NRCAM: variants seen among roughly 807,000 people sequenced by gnomAD.
NRCAM encodes neuronal cell adhesion molecule.
In NRCAM, 83 loss-of-function variants were observed where a neutral mutation model predicts 156.5. The observed-to-expected ratio is 0.53, with a 90% CI of 0.44 to 0.64. The LOEUF (loss-of-function observed/expected upper bound fraction) is 0.64, where lower values mean the gene tolerates loss of function less well. Among genes scored for constraint, NRCAM ranks in the 30% least tolerant of loss-of-function variants. The pLI is 0.00. For missense variants in NRCAM, 1,417 were observed against 1,597.3 expected, an observed-to-expected ratio of 0.89 and a Z score of 1.92; for synonymous variants, 538 against 563.9, an observed-to-expected ratio of 0.95 and a Z score of 0.65.
chr7:108,177,721 G>GTA (rs869076633), intron 26 of NRCAM, among the ~76,000 whole-genome samples: 11 of 59,210 alleles, frequency 1.9e-4, no homozygotes, highest in Admixed American at 6.7e-4. Context: ...ATATACGTGT[G>GTA]TATATATATA....
chr7:108,289,972 C>T (rs993056167), intron 3 of NRCAM, among the ~76,000 whole-genome samples: 2 of 151,942 alleles, frequency 1.3e-5, no homozygotes, highest in African/African-American at 4.8e-5. Context: ...TCCTTCTTTT[C>T]AAAAAAGAAG....
intron 1 of NRCAM, among the ~76,000 whole-genome samples, chr7:108,412,609 CTA>C (rs1172966476): frequency 6.6e-6 from 1 of 152,126 alleles, no homozygotes; most frequent in Non-Finnish European, 1.5e-5. Flanking sequence ...ATGTTAATAA[CTA>C]TAGTCATCAT....
intron 2 of NRCAM, among the ~76,000 whole-genome samples, chr7:108,343,159 G>C (rs1044250887): frequency 6.6e-6 from 1 of 152,170 alleles, no homozygotes; most frequent in African/African-American, 2.4e-5. Flanking sequence ...TGGAATACTT[G>C]AAAGTAATCC....
In NRCAM at chr7:108,272,664, C is replaced by CAT. The variant is rs898723701; in HGVS notation, c.-106-32496_-106-32495dup. On this transcript the variant is annotated intron_variant, in intron 3 of 32. Transcript: ENST00000379028. ...TAGAATTTTGATTTTAAAAAGGTAA[C>CAT]ATATATATATCACTTTGATTATATA... Among the ~76,000 whole-genome samples, 205 of 151,602 alleles carry CAT rather than the reference C, an allele frequency of 1.4e-3. 1 individual carries two copies. The highest frequency in any genetic ancestry group is 5.8e-3 in the East Asian group (30 of 5,164).
chr7:108,301,531 C>T (rs2098611756), intron 3 of NRCAM, among the ~76,000 whole-genome samples: 1 of 152,200 alleles, frequency 6.6e-6, no homozygotes, highest in Non-Finnish European at 1.5e-5. Flanking sequence ...ATGACACCAA[C>T]TGCATGACCT....
intron 3 of NRCAM, among the ~76,000 whole-genome samples, chr7:108,294,753 T>C (rs1451319775): frequency 1.3e-5 from 2 of 152,212 alleles, no homozygotes; most frequent in Non-Finnish European, 2.9e-5. Flanking sequence ...CTGTTCTCAG[T>C]GGATCCAGAA....
At chr7:108,221,755 T>C (rs1211402913) in intron 11 of NRCAM, among the ~76,000 whole-genome samples, 11 of 152,082 alleles carry the variant, frequency 7.2e-5, no homozygotes, top group Admixed American at 5.2e-4. Context: ...ACAGCGTATA[T>C]TGTTCGGGTG....
intron 1 of NRCAM, among the ~76,000 whole-genome samples, chr7:108,414,031 C>A (rs992982389): frequency 2.6e-5 from 4 of 152,226 alleles, no homozygotes; most frequent in Non-Finnish European, 5.9e-5. Flanking sequence ...TGAACCACTT[C>A]TACATTCCAA....
chr7:108,165,296 C>G (rs1350555921), intron 30 of NRCAM, among the ~76,000 whole-genome samples: 1 of 152,132 alleles, frequency 6.6e-6, no homozygotes, highest in Admixed American at 6.5e-5. Context: ...AATCCCAGCT[C>G]TGTCACGTTC....
At chr7:108,443,944 G>T (rs1399770088) in intron 1 of NRCAM, among the ~76,000 whole-genome samples, 1 of 148,672 alleles carries the variant, frequency 6.7e-6, no homozygotes, top group Non-Finnish European at 1.5e-5. Flanking sequence ...ACAGGTGTAG[G>T]TATAGATTCA....
intron 2 of NRCAM, among the ~76,000 whole-genome samples, chr7:108,362,938 A>G (rs1268427905): frequency 1.3e-5 from 2 of 152,106 alleles, no homozygotes; most frequent in African/African-American, 4.8e-5. Context: ...TGGAAAAATG[A>G]CTCATTCTAG....
chr7:108,332,991 T>C (rs1394658397), intron 2 of NRCAM, among the ~76,000 whole-genome samples: 1 of 152,134 alleles, frequency 6.6e-6, no homozygotes, highest in Non-Finnish European at 1.5e-5. Flanking sequence ...GTTTTGTAGA[T>C]CAAAAAAGGT....
At chr7:108,232,638 G>A (rs1562866706) in intron 6 of NRCAM, 116 bp from the exon 7 acceptor site, 2 of 670,810 alleles carry the variant, frequency 3.0e-6, no homozygotes, top group East Asian at 6.0e-5. Flanking sequence ...TTAATATTCA[G>A]TAAGAGAGCA....
intron 2 of NRCAM, among the ~76,000 whole-genome samples, chr7:108,323,439 G>T (rs1050036533): frequency 2.6e-5 from 4 of 152,110 alleles, no homozygotes; most frequent in Non-Finnish European, 5.9e-5. Flanking sequence ...AGTACACCCA[G>T]GAAACATGCC....
chr7:108,449,472 G>A (rs1230448786), intron 1 of NRCAM, among the ~76,000 whole-genome samples: 1 of 152,078 alleles, frequency 6.6e-6, no homozygotes, highest in East Asian at 1.9e-4. Flanking sequence ...TTGAGGTAAG[G>A]GACTGAAAAG....
At chr7:108,200,778 ACACAC>A (rs911469477) in intron 13 of NRCAM, among the ~76,000 whole-genome samples, 1 of 141,330 alleles carries the variant, frequency 7.1e-6, no homozygotes, top group Non-Finnish European at 1.5e-5. Flanking sequence ...ACACACACAC[ACACAC>A]ACTATGAAAT....
intron 2 of NRCAM, among the ~76,000 whole-genome samples, chr7:108,318,504 A>T (rs971205789): frequency 8.5e-5 from 13 of 152,336 alleles, no homozygotes; most frequent in Non-Finnish European, 1.9e-4. Flanking sequence ...TTCTCAAAGT[A>T]ATATCAGGAA....
At chr7:108,451,211 T>C (rs1345115708) in intron 1 of NRCAM, among the ~76,000 whole-genome samples, 4 of 141,600 alleles carry the variant, frequency 2.8e-5, no homozygotes, top group African/African-American at 1.1e-4. Flanking sequence ...AGGGCGAGAC[T>C]CCGTCTCCAA....
intron 2 of NRCAM, among the ~76,000 whole-genome samples, chr7:108,348,939 G>C (rs2099390567): frequency 6.6e-6 from 1 of 151,720 alleles, no homozygotes; most frequent in East Asian, 1.9e-4. Flanking sequence ...AAAGTCTTTA[G>C]GGGCAGCCAA....
Sources: allele counts gnomAD v4.1 joint callset (sites outside exome capture counted in the v4.1 genomes callset), GRCh38; gene constraint gnomAD v4.1.1; transcripts MANE v1.5; gene names NCBI Gene and HGNC (gene_info 2026-07-23, HGNC 2026-07-21).